Variants in ZNF75D observed in about 807,000 individuals in gnomAD.
ZNF75D encodes zinc finger protein 75D.
ZNF75D carries 33 observed loss-of-function variants against 33.3 expected under a neutral mutation model. That is an observed-to-expected ratio of 0.99 (90% CI 0.75 to 1.32). ZNF75D has a LOEUF of 1.32. Ranked by LOEUF, ZNF75D falls within the 40% of genes most tolerant of loss-of-function variation. The probability of loss-of-function intolerance (pLI) is 0.00; values close to 1 mark genes in which losing one functional copy is unlikely to be tolerated. For synonymous variants in ZNF75D, 113 were observed against 130.6 expected, an observed-to-expected ratio of 0.87 and a Z score of 0.92; for missense variants, 338 against 367.5, an observed-to-expected ratio of 0.92 and a Z score of 0.66.
chrX:135,267,778 C>G (rs1367903900), intron 1 of ZNF75D, among the ~76,000 whole-genome samples: 10 of 105,961 alleles, frequency 9.4e-5, no homozygotes, highest in Non-Finnish European at 1.8e-4. Flanking sequence ...CAGTATTACC[C>G]TGATACCAAA....
chrX:135,265,581 G>A (rs1473769376), intron 1 of ZNF75D, among the ~76,000 whole-genome samples: 1 of 112,022 alleles, frequency 8.9e-6, no homozygotes, highest in Non-Finnish European at 1.9e-5. Context: ...AGGAAATAAA[G>A]TTTTACCCTA....
At chrX:135,311,089 AG>A (rs2084353402) in intron 1 of ZNF75D, among the ~76,000 whole-genome samples, 1 of 112,604 alleles carries the variant, frequency 8.9e-6, no homozygotes, top group Non-Finnish European at 1.9e-5. Flanking sequence ...TCTGGCTGAT[AG>A]GGGATGTAGC....
rs141513130 is a variant in ZNF75D, at chrX:135,317,594, G to A, written c.-390-21555C>T. Among the ~76,000 whole-genome samples, 163 of 111,261 alleles carry A rather than the reference G, an allele frequency of 1.5e-3. 2 individuals are homozygous for A. The East Asian group carries it at 0.043, about 29-fold the overall frequency. On this transcript the variant is annotated intron_variant, in intron 1 of 6. Coordinates refer to ENST00000370766, the MANE Select transcript of ZNF75D (RefSeq NM_007131.5). ...CTCTGCTTCCCAAGTGGTTCATGCT[G>A]GTACGGGCAGTGGTGGCTGTAGTGG...
intron 1 of ZNF75D, among the ~76,000 whole-genome samples, chrX:135,321,867 C>CAGCCAGAGTCTCTATGCAGG (rs1479060216): frequency 1.2e-4 from 14 of 112,143 alleles, no homozygotes; most frequent in Admixed American, 1.2e-3. Flanking sequence ...TGGCTGAAGG[C>CAGCCAGAGTCTCTATGCAGG]AGCCAGAGTC....
Position 135,256,965 on chromosome X carries a change from C to T in ZNF75D, n.828-1188G>A, listed in dbSNP as rs782155317. On this transcript the variant is annotated intron_variant and non_coding_transcript_variant, in intron 1 of 3. Transcript: ENST00000494295. ...GAGCCCATTGCCTTGAAGGAAAGGA[C>T]CCAGTCCTGGCAGGACCTATCACCT... Among the ~76,000 whole-genome samples the T allele has an allele frequency of 5.4e-5, 6 of 111,341 alleles. 1 individual carries two copies. The South Asian group carries it at 1.5e-3, about 28-fold the overall frequency.
chrX:135,260,778 T>A (rs1406373059), intron 1 of ZNF75D, among the ~76,000 whole-genome samples: 1 of 111,816 alleles, frequency 8.9e-6, no homozygotes, highest in Non-Finnish European at 1.9e-5. Context: ...TTTTGAAGGG[T>A]TTTTTGTGTC....
At chrX:135,333,230 C>T (rs996281340) in intron 1 of ZNF75D, among the ~76,000 whole-genome samples, 33 of 111,249 alleles carry the variant, frequency 3.0e-4, no homozygotes, top group Non-Finnish European at 5.8e-4. Flanking sequence ...ACCTCAGGAC[C>T]GGAGGCTGAT....
intron 1 of ZNF75D, chrX:135,330,469 A>G (rs1280194697): frequency 8.9e-6 from 1 of 112,224 alleles, no homozygotes; most frequent in Non-Finnish European, 1.9e-5. Flanking sequence ...CCTGCACCAA[A>G]TATCAGGAGG....
At chrX:135,315,075 T>C (rs1462151428) in intron 1 of ZNF75D, among the ~76,000 whole-genome samples, 1 of 112,392 alleles carries the variant, frequency 8.9e-6, no homozygotes. Context: ...GTAGCCTTTA[T>C]TGTTATAAAT....
intron 1 of ZNF75D, among the ~76,000 whole-genome samples, chrX:135,315,183 T>C (rs1201773095): frequency 8.9e-6 from 1 of 112,543 alleles, no homozygotes; most frequent in African/African-American, 3.2e-5. Context: ...CCATCTTAAT[T>C]TCTTCATTGA....
At chrX:135,290,639 T>C (rs1454186306) in intron 6 of ZNF75D, among the ~76,000 whole-genome samples, 1 of 112,891 alleles carries the variant, frequency 8.9e-6, no homozygotes, top group Non-Finnish European at 1.9e-5. Context: ...TCTTTCCACA[T>C]ATCATTTAAA....
At chrX:135,276,779 G>T (rs113412883) in intron 1 of ZNF75D, among the ~76,000 whole-genome samples, 1,146 of 111,092 alleles carry the variant, frequency 0.01, 17 homozygotes, top group African/African-American at 0.035. Context: ...TGCTGAGAAT[G>T]ATGGTTTCCA....
rs369941940 is a variant in ZNF75D, at chrX:135,341,492, C to T, written c.-391+276G>A. On this transcript the variant is annotated intron_variant, in intron 1 of 6. Transcript: ENST00000370766. ...AGTTCAGCTTTGTCTCACAATGGGT[C>T]CTCCGGGTCTCTAAACTTATCCTAT... is the stretch of plus-strand genomic sequence containing the variant. Among the ~76,000 whole-genome samples the T allele has an allele frequency of 2.3e-4, 26 of 111,770 alleles. No individual in the cohort carries two copies. The East Asian group carries it at 7.3e-3, about 31-fold the overall frequency.
chrX:135,287,574 T>TA lies in ZNF75D; in HGVS notation c.1095dup (p.Lys366Ter). ...AAGCTTTTCCCACATTCCTGACACT[T>TA]AAAAGGTTTCTCCCCTGTGGGGCCT... On this transcript the variant is annotated frameshift_variant, in exon 7 of 7. Transcript: ENST00000370766. LOFTEE classifies it high-confidence loss of function. 1 of 1,211,858 alleles carries TA rather than the reference T, an allele frequency of 8.3e-7. No individual in the cohort carries two copies. Among genetic ancestry groups the TA allele is most frequent in the Non-Finnish European group, 1.1e-6 (1 of 895,490 alleles).
intron 1 of ZNF75D, among the ~76,000 whole-genome samples, chrX:135,274,811 C>T (rs1397402089): frequency 9.0e-6 from 1 of 111,702 alleles, no homozygotes; most frequent in Admixed American, 9.5e-5. Flanking sequence ...AAAGAAAGGG[C>T]TGTGATATGG....
At chrX:135,338,295 A>AG (rs2148497579) in intron 1 of ZNF75D, among the ~76,000 whole-genome samples, 2 of 111,592 alleles carry the variant, frequency 1.8e-5, no homozygotes, top group East Asian at 5.6e-4. Flanking sequence ...AGGACTCTAG[A>AG]CAGCTGGGGC....
At chrX:135,296,591 G>C (rs2084133382) in intron 1 of ZNF75D, among the ~76,000 whole-genome samples, 1 of 112,094 alleles carries the variant, frequency 8.9e-6, no homozygotes, top group African/African-American at 3.2e-5. Context: ...TGAGTAAAAG[G>C]CAATTTGATC....
At chrX:135,266,071 T>C (rs1297883930) in intron 1 of ZNF75D, among the ~76,000 whole-genome samples, 1 of 111,636 alleles carries the variant, frequency 9.0e-6, no homozygotes, top group Admixed American at 9.5e-5. Context: ...TAATGGGTTA[T>C]AAGATAGTAT....
chrX:135,306,692 T>C (rs1162576892), intron 1 of ZNF75D, among the ~76,000 whole-genome samples: 1 of 112,273 alleles, frequency 8.9e-6, no homozygotes, highest in African/African-American at 3.2e-5. Context: ...TCAAAAAATG[T>C]AGTATTTTAA....
Sources: gnomAD v4.1 joint callset for allele counts (sites outside exome capture counted in the v4.1 genomes callset) on GRCh38, gnomAD v4.1.1 for gene constraint, MANE v1.5 for transcripts, NCBI Gene and HGNC (gene_info 2026-07-23, HGNC 2026-07-21) for gene names.